The following CARM1 variants were observed in gnomAD, a reference collection of about 807,000 sequenced individuals.
CARM1 encodes the protein coactivator associated arginine methyltransferase 1, also known as histone-arginine methyltransferase CARM1.
Under a neutral mutation model 72.7 loss-of-function variants are expected in CARM1, and 14 were observed. The observed-to-expected ratio is 0.19, with a 90% CI of 0.13 to 0.30. The LOEUF is 0.30. Among genes scored for constraint, CARM1 ranks in the 10% least tolerant of loss-of-function variants. The probability of loss-of-function intolerance (pLI) is 1.00; values close to 1 mark genes in which losing one functional copy is unlikely to be tolerated. For synonymous variants in CARM1, 333 were observed against 345.5 expected (o/e 0.96, Z 0.40); for missense variants, 432 against 833.7 (o/e 0.52, Z 5.93).
chr19:10,904,855 C>A, intron 1 of CARM1, 96 bp from the exon 2 acceptor site: 1 of 1,522,922 alleles, frequency 6.6e-7, no homozygotes, highest in Non-Finnish European at 8.9e-7. Context: ...TCTGGGGGCA[C>A]CAAGGGGAGG....
chr19:10,873,767 G>C (rs1295532754), intron 1 of CARM1, among the ~76,000 whole-genome samples: 1 of 149,424 alleles, frequency 6.7e-6, no homozygotes, highest in African/African-American at 2.5e-5. Context: ...AGCCTCCCGA[G>C]TAGCTGGGAC....
rs919860115 is a variant in CARM1, at chr19:10,919,414, C to A, written c.1021-181C>A. 7 of 585,836 alleles carry A rather than the reference C, an allele frequency of 1.2e-5. No homozygotes were observed. In the African/African-American group the frequency reaches 1.3e-4, roughly 11 times the overall value. 36.3% of individuals were successfully genotyped at this position (585,836 alleles called of 1,614,324 possible). A position where few individuals can be genotyped will look rare whatever the true frequency, so the allele number is the denominator to read the frequency against. On this transcript the variant is annotated intron_variant, in intron 8 of 15. Coordinates refer to ENST00000327064, the MANE Select transcript of CARM1 (RefSeq NM_199141.2). ...AAACACTTGTCATTTGGAGAGCTGT[C>A]ACCTGATTGCCCTCGGTGGCGTTGT...
rs1001252637 is a variant in CARM1, at chr19:10,920,302, C to G, written c.1197-134C>G. ...GTGTCTGGGACTGCCTGGGGGCCAG[C>G]CTGTCTCTGCTCCAGGGTCCCAGGG... On this transcript the variant is annotated intron_variant, in intron 10 of 15. Coordinates refer to ENST00000327064, the MANE Select transcript of CARM1 (RefSeq NM_199141.2). This position sits in a 1 kb window ranked among gnomAD's most constrained non-coding sequence, Gnocchi z 5.3. The G allele has an allele frequency of 2.8e-6, 3 of 1,061,066 alleles. No individual in the cohort carries two copies. Among genetic ancestry groups the G allele is most frequent in the Non-Finnish European group, 4.0e-6 (3 of 746,438 alleles). 65.7% of individuals were successfully genotyped at this position (1,061,066 alleles called of 1,614,324 possible).
At position 10,919,615 on chromosome 19, in the gene CARM1, C is replaced by G; in HGVS notation, c.1041C>G (p.Ile347Met). 1 of 1,614,008 alleles carries G rather than the reference C, an allele frequency of 6.2e-7. No individual in the cohort carries two copies. Among genetic ancestry groups the G allele is most frequent in the East Asian group, 2.2e-5 (1 of 44,882 alleles). The change falls in exon 9 of 16, where the codon ATC becomes ATG. Residue 347 changes from isoleucine (I) to methionine (M), a missense_variant. By Grantham distance (10) the Ile-to-Met change is conservative. Around this residue, in one of 3 missense-constraint regions of CARM1, gnomAD observed 152 missense variants for 452.8 expected, o/e 0.34. Transcript: ENST00000327064. The stretch of plus-strand genomic sequence containing the variant: ...CCCAGGACACATTTGACATCCGGAT[C>G]CTGATGGCCAAGTCTGTCAAGTACA... ...QPVVDTFDIR[I>M]LMAKSVKYTV...
chr19:10,874,546 C>T (rs983053498), intron 1 of CARM1, among the ~76,000 whole-genome samples: 2 of 152,004 alleles, frequency 1.3e-5, no homozygotes, highest in African/African-American at 4.8e-5. Flanking sequence ...GCATGTGCCA[C>T]ACCCAGCTAA....
intron 1 of CARM1, among the ~76,000 whole-genome samples, chr19:10,886,489 C>T (rs535522156): frequency 5.1e-4 from 77 of 151,958 alleles, no homozygotes; most frequent in Middle Eastern, 3.4e-3. Context: ...AGTCACCATG[C>T]CCCGCCCCCT....
At chr19:10,873,216 A>G (rs1241886971) in intron 1 of CARM1, among the ~76,000 whole-genome samples, 1 of 152,174 alleles carries the variant, frequency 6.6e-6, no homozygotes, top group East Asian at 1.9e-4. Flanking sequence ...TGAACAGAAC[A>G]AAGCGGGGCA....
At chr19:10,884,997 T>A in intron 1 of CARM1, among the ~76,000 whole-genome samples, 1 of 152,216 alleles carries the variant, frequency 6.6e-6, no homozygotes, top group East Asian at 1.9e-4. Flanking sequence ...TGAGCCATCA[T>A]GCCTGGCCGC....
Position 10,901,287 on chromosome 19 carries a change from T to TTTTG in CARM1, c.221-3648_221-3645dup, listed in dbSNP as rs764571229. On this transcript the variant is annotated intron_variant, in intron 1 of 15. Coordinates refer to ENST00000327064, the MANE Select transcript of CARM1 (RefSeq NM_199141.2). ...CATGAGCCACTGCACTTGGCCAGCT[T>TTTTG]TTTGTTTGTTTGTTTGTTTTTGTTT... Among the ~76,000 whole-genome samples the TTTTG allele has an allele frequency of 2.7e-5, 4 of 145,588 alleles. No homozygotes were observed. The South Asian group carries it at 6.7e-4, about 24-fold the overall frequency.
rs1229466317 is a variant in CARM1 at position 10,871,643 on chromosome 19, G to GGCGGCGGCGGCGGCGGCGGCA, written c.-52_-51insGGCGGCGGCGGCAGCGGCGGC. 3.1e-4 allele frequency: 44 copies of GGCGGCGGCGGCGGCGGCGGCA among 142,098 alleles called. No homozygotes were observed. The highest frequency in any genetic ancestry group is 1.5e-3 in the African/African-American group (41 of 27,422). The allele number at this position is 142,098 out of a possible 1,614,324, so 8.8% of individuals were successfully genotyped here. A position where few individuals can be genotyped will look rare whatever the true frequency, so the allele number is the denominator to read the frequency against. ...CGGCGGCGGCGGCGGCGGCGGCAGC[G>GGCGGCGGCGGCGGCGGCGGCA]GCGGCGGCCTGGGCCCGGGCGCAGC... On this transcript the variant is annotated 5_prime_UTR_variant, in exon 1 of 16. Coordinates refer to ENST00000327064, the MANE Select transcript of CARM1 (RefSeq NM_199141.2). The surrounding 1 kb of genome is among the most constrained non-coding windows in gnomAD (Gnocchi z 5.6).
intron 1 of CARM1, among the ~76,000 whole-genome samples, chr19:10,890,531 G>A (rs2146316885): frequency 6.6e-6 from 1 of 151,258 alleles, no homozygotes; most frequent in East Asian, 1.9e-4. Context: ...GCCTCCCAAA[G>A]TGCTGGGATT....
intron 1 of CARM1, among the ~76,000 whole-genome samples, chr19:10,884,511 A>G (rs2146308024): frequency 6.6e-6 from 1 of 151,764 alleles, no homozygotes; most frequent in South Asian, 2.1e-4. Flanking sequence ...GACACTACAC[A>G]GCTCTGACTT....
chr19:10,920,587 C>T lies in CARM1; in HGVS notation c.1334+14C>T. The T allele has an allele frequency of 1.2e-6, 2 of 1,613,962 alleles. No individual in the cohort carries two copies. Among genetic ancestry groups the T allele is most frequent in the Non-Finnish European group, 1.7e-6 (2 of 1,179,884 alleles). On this transcript the variant is annotated intron_variant, in intron 11 of 15. Transcript: ENST00000327064. This position sits in a 1 kb window ranked among gnomAD's most constrained non-coding sequence, Gnocchi z 5.3. The stretch of plus-strand genomic sequence containing the variant: ...TGCCAACAAAAGGTGCGACTGCTCC[C>T]TGGGGCTGGTGGTGGTGGGCAGGGG...
chr19:10,916,516 T>C lies in CARM1; in HGVS notation c.938+19T>C. 1 of 1,578,424 alleles carries C rather than the reference T, an allele frequency of 6.3e-7. No individual in the cohort carries two copies. The highest frequency in any genetic ancestry group is 8.7e-7 in the Non-Finnish European group (1 of 1,148,006). On this transcript the variant is annotated intron_variant, in intron 7 of 15. Coordinates refer to ENST00000327064, the MANE Select transcript of CARM1 (RefSeq NM_199141.2). This position sits in a 1 kb window ranked among gnomAD's most constrained non-coding sequence, Gnocchi z 4.4. The stretch of plus-strand genomic sequence containing the variant: ...ACTTCTGGTGAGTGTGCCCTGGGTG[T>C]CCCGCCTGGGCCCCACAGCCTGCCT...
chr19:10,898,774 G>GCATT (rs372230639), intron 1 of CARM1, among the ~76,000 whole-genome samples: 84 of 152,358 alleles, frequency 5.5e-4, no homozygotes, highest in Non-Finnish European at 1.2e-3. Context: ...GACAGGCTGT[G>GCATT]CATTCCCTGC....
At chr19:10,878,996 G>A (rs1415867627) in intron 1 of CARM1, among the ~76,000 whole-genome samples, 1 of 151,978 alleles carries the variant, frequency 6.6e-6, no homozygotes, top group Non-Finnish European at 1.5e-5. Context: ...TAGTAGAGAC[G>A]GGGTATCGCC....
chr19:10,886,393 A>G (rs1004882827), intron 1 of CARM1, among the ~76,000 whole-genome samples: 1 of 152,042 alleles, frequency 6.6e-6, no homozygotes, highest in Non-Finnish European at 1.5e-5. Context: ...CGGGGTCTCA[A>G]CCATGTTGCC....
intron 4 of CARM1, among the ~76,000 whole-genome samples, chr19:10,910,076 G>A (rs763338816): frequency 5.9e-5 from 9 of 152,104 alleles, no homozygotes; most frequent in Non-Finnish European, 1.2e-4. Context: ...CTGAGCCAAA[G>A]TGCGAGACCC....
intron 1 of CARM1, among the ~76,000 whole-genome samples, chr19:10,894,017 A>G (rs550047348): frequency 6.6e-6 from 1 of 152,260 alleles, no homozygotes; most frequent in Admixed American, 6.5e-5. Context: ...GCCAAGCCAC[A>G]CAGGAATGGG....
Sources: allele counts gnomAD v4.1 joint callset (sites outside exome capture counted in the v4.1 genomes callset), GRCh38; gene constraint gnomAD v4.1.1; regional missense constraint gnomAD v4.1.1; non-coding constraint Gnocchi (gnomAD v3.1); transcripts MANE v1.5; gene names NCBI Gene and HGNC (gene_info 2026-07-23, HGNC 2026-07-21).